SSH2: variants seen among roughly 807,000 people sequenced by gnomAD.
SSH2 encodes slingshot protein phosphatase 2.
SSH2 carries 37 observed loss-of-function variants against 135.2 expected under a neutral mutation model. The ratio of observed to expected loss-of-function variants is 0.27; its 90% CI spans 0.21 to 0.36. The LOEUF (loss-of-function observed/expected upper bound fraction) is 0.36. Among genes scored for constraint, SSH2 ranks in the 10% least tolerant of loss-of-function variants. SSH2 has a pLI of 1.00. For missense variants in SSH2, 1,408 were observed against 1,765.3 expected, an observed-to-expected ratio of 0.80 and a Z score of 3.63; for synonymous variants, 628 against 646.2, an observed-to-expected ratio of 0.97 and a Z score of 0.43.
intron 1 of SSH2, chr17:29,856,217 C>A: frequency 3.3e-6 from 1 of 305,168 alleles, no homozygotes; most frequent in East Asian, 1.1e-4. Context: ...GAGTTTGTTT[C>A]AAATTCAACT....
intron 5 of SSH2, among the ~76,000 whole-genome samples, chr17:29,690,917 TAC>T (rs150436102): frequency 2.7e-4 from 40 of 149,820 alleles, no homozygotes; most frequent in East Asian, 7.8e-4. Flanking sequence ...TCTCACTCTT[TAC>T]ACACACACAC....
chr17:29,799,755 G>A (rs1367615692), intron 2 of SSH2, among the ~76,000 whole-genome samples: 1 of 152,084 alleles, frequency 6.6e-6, no homozygotes, highest in Non-Finnish European at 1.5e-5. Context: ...ATGTCTACAG[G>A]GGTGAACTAC....
intron 3 of SSH2, among the ~76,000 whole-genome samples, chr17:29,785,639 A>G (rs1223454240): frequency 6.6e-6 from 1 of 151,172 alleles, no homozygotes; most frequent in Non-Finnish European, 1.5e-5. Flanking sequence ...AGCTGGGATT[A>G]CAGGAGCGTG....
intron 1 of SSH2, among the ~76,000 whole-genome samples, chr17:29,911,625 A>G (rs1250421760): frequency 2.0e-5 from 3 of 152,130 alleles, no homozygotes; most frequent in Non-Finnish European, 2.9e-5. Flanking sequence ...TTATATATCA[A>G]TTTTCCAGAT....
chr17:29,840,756 G>A (rs545620637), intron 2 of SSH2, among the ~76,000 whole-genome samples: 4 of 152,224 alleles, frequency 2.6e-5, no homozygotes, highest in African/African-American at 9.6e-5. Flanking sequence ...TCTCTACTTG[G>A]CACAGATAAT....
chr17:29,750,706 C>CT (rs1567946256), intron 3 of SSH2, among the ~76,000 whole-genome samples: 2 of 151,214 alleles, frequency 1.3e-5, no homozygotes, highest in African/African-American at 4.9e-5. Flanking sequence ...ATTCCATAAG[C>CT]TTTTCTATTT....
intron 9 of SSH2, among the ~76,000 whole-genome samples, chr17:29,669,085 C>T (rs956795303): frequency 6.6e-6 from 1 of 151,820 alleles, no homozygotes. Flanking sequence ...CCCGTCTCTA[C>T]TAAAAATACA....
At chr17:29,770,106 T>TTG (rs1567963160) in intron 3 of SSH2, among the ~76,000 whole-genome samples, 9 of 148,710 alleles carry the variant, frequency 6.1e-5, no homozygotes, top group South Asian at 4.3e-4. Context: ...TTTTTTTTTT[T>TTG]TTTTTTTTTT....
intron 2 of SSH2, among the ~76,000 whole-genome samples, chr17:29,797,227 C>T (rs143408612): frequency 5.3e-5 from 8 of 152,142 alleles, no homozygotes; most frequent in African/African-American, 1.9e-4. Context: ...GTAATTCAAA[C>T]TGCTATCAAG....
At chr17:29,738,708 C>T (rs926510153) in intron 3 of SSH2, among the ~76,000 whole-genome samples, 4 of 152,040 alleles carry the variant, frequency 2.6e-5, no homozygotes, top group Non-Finnish European at 4.4e-5. Flanking sequence ...TGCCCGCCAC[C>T]ATGCCCGGCT....
At chr17:29,686,523 G>A (rs758379046) in intron 5 of SSH2, among the ~76,000 whole-genome samples, 11 of 150,884 alleles carry the variant, frequency 7.3e-5, no homozygotes, top group East Asian at 3.9e-4. Flanking sequence ...TGCCACGCCC[G>A]GCTAATTTTT....
intron 1 of SSH2, among the ~76,000 whole-genome samples, chr17:29,908,159 C>T (rs984295402): frequency 6.6e-6 from 1 of 152,014 alleles, no homozygotes; most frequent in African/African-American, 2.4e-5. Context: ...CTAAATTTTT[C>T]ACTAAACATT....
At chr17:29,759,987 T>A (rs991755565) in intron 3 of SSH2, among the ~76,000 whole-genome samples, 1 of 152,230 alleles carries the variant, frequency 6.6e-6, no homozygotes, top group Non-Finnish European at 1.5e-5. Context: ...GTGGAGCTTT[T>A]ACAGTACAGG....
intron 3 of SSH2, among the ~76,000 whole-genome samples, chr17:29,706,884 T>G (rs1283190981): frequency 2.0e-5 from 3 of 152,232 alleles, no homozygotes; most frequent in Non-Finnish European, 4.4e-5. Flanking sequence ...CCGGGCGCAG[T>G]GGCTCACGCT....
intron 9 of SSH2, among the ~76,000 whole-genome samples, chr17:29,671,375 T>C (rs2037487430): frequency 6.6e-6 from 1 of 151,964 alleles, no homozygotes; most frequent in Admixed American, 6.6e-5. Flanking sequence ...CCCAGGTACT[T>C]TGCAGGCTGA....
intron 1 of SSH2, among the ~76,000 whole-genome samples, chr17:29,849,572 T>C (rs1425139929): frequency 1.3e-5 from 2 of 151,964 alleles, no homozygotes; most frequent in African/African-American, 4.8e-5. Flanking sequence ...TGTGTTCATT[T>C]ATCTTCACAT....
intron 3 of SSH2, among the ~76,000 whole-genome samples, chr17:29,721,509 C>G (rs556548924): frequency 1.3e-5 from 2 of 152,176 alleles, no homozygotes; most frequent in East Asian, 3.8e-4. Context: ...AGCTAGAATT[C>G]TGAGGGTCTT....
chr17:29,757,978 C>T (rs756856295), intron 3 of SSH2, among the ~76,000 whole-genome samples: 7 of 151,768 alleles, frequency 4.6e-5, no homozygotes, highest in Admixed American at 6.6e-5. Context: ...CCCAGGAGAT[C>T]GAGACTGCAA....
chr17:29,741,611 CTTTTTTTTTT>C (rs6146027), intron 3 of SSH2, among the ~76,000 whole-genome samples: 33 of 140,810 alleles, frequency 2.3e-4, no homozygotes, highest in African/African-American at 8.1e-4. Context: ...AATCCCCCTC[CTTTTTTTTTT>C]TTTTTTTTTT....
Sources: gnomAD v4.1 joint callset for allele counts (sites outside exome capture counted in the v4.1 genomes callset) on GRCh38, gnomAD v4.1.1 for gene constraint, MANE v1.5 for transcripts, NCBI Gene and HGNC (gene_info 2026-07-23, HGNC 2026-07-21) for gene names.